The following DAZL variants were observed in gnomAD, a reference collection of about 807,000 sequenced individuals.
DAZL encodes deleted in azoospermia like.
Under a neutral mutation model 45.0 loss-of-function variants are expected in DAZL, and 4 were observed. That is an observed-to-expected ratio of 0.09 (90% CI 0.04 to 0.20). DAZL has a LOEUF of 0.20. Ranked by LOEUF, DAZL falls within the 10% of genes least tolerant of loss-of-function variation. The probability of loss-of-function intolerance (pLI) is 1.00; values close to 1 mark genes in which losing one functional copy is unlikely to be tolerated. For missense variants in DAZL, 326 were observed against 351.3 expected, an observed-to-expected ratio of 0.93 and a Z score of 0.58; for synonymous variants, 122 against 112.4, an observed-to-expected ratio of 1.09 and a Z score of -0.54.
Position 16,587,144 on chromosome 3 carries a change from T to A in DAZL, c.*1516A>T, listed in dbSNP as rs1250626905. Reference sequence around the variant, plus strand: ...TTCATAGTGCTTTCAATTTCTGAGGTGTAATAAAGCCCTCTTGGGAATTCT... The same window carrying A: ...TTCATAGTGCTTTCAATTTCTGAGGAGTAATAAAGCCCTCTTGGGAATTCT... On this transcript the variant is annotated 3_prime_UTR_variant, in exon 11 of 11. Coordinates refer to ENST00000399444, the MANE Select transcript of DAZL (RefSeq NM_001351.4). 1.3e-5 allele frequency: 2 copies of A among 152,196 alleles called. No homozygotes were observed. Among genetic ancestry groups the A allele is most frequent in the Non-Finnish European group, 2.9e-5 (2 of 67,998 alleles). 9.4% of individuals were successfully genotyped at this position (152,196 alleles called of 1,614,324 possible). A position where few individuals can be genotyped will look rare whatever the true frequency, so the allele number is the denominator to read the frequency against.
intron 1 of DAZL, among the ~76,000 whole-genome samples, chr3:16,599,662 C>A (rs1559404251): frequency 6.6e-6 from 1 of 152,146 alleles, no homozygotes; most frequent in South Asian, 2.1e-4. Context: ...AAGAAACACA[C>A]ATATAACTCA....
chr3:16,598,903 C>T (rs1694641590), intron 1 of DAZL, among the ~76,000 whole-genome samples: 1 of 151,836 alleles, frequency 6.6e-6, no homozygotes, highest in South Asian at 2.1e-4. Context: ...CCTGCCTCAG[C>T]CTCCTGAGTA....
intron 9 of DAZL, 85 bp from the exon 10 acceptor site, chr3:16,592,233 A>T: frequency 6.5e-7 from 1 of 1,543,240 alleles, no homozygotes; most frequent in Non-Finnish European, 8.9e-7. Context: ...TTTAATGAAT[A>T]TATTACTTTA....
At chr3:16,599,075 G>A (rs569832396) in intron 1 of DAZL, among the ~76,000 whole-genome samples, 23 of 152,070 alleles carry the variant, frequency 1.5e-4, no homozygotes, top group Non-Finnish European at 2.2e-4. Flanking sequence ...GAGCTACCAC[G>A]CGCAGCCAGG....
At chr3:16,600,401 A>G (rs959355040) in intron 1 of DAZL, among the ~76,000 whole-genome samples, 3 of 152,212 alleles carry the variant, frequency 2.0e-5, no homozygotes, top group African/African-American at 4.8e-5. Flanking sequence ...GTTTGTGCTT[A>G]TACTTGCTAT....
At chr3:16,596,667 T>C in intron 6 of DAZL, 83 bp downstream of exon 6, 1 of 1,462,530 alleles carries the variant, frequency 6.8e-7, no homozygotes, top group Non-Finnish European at 9.6e-7. Flanking sequence ...CCATTACCAC[T>C]TACTACAGAA....
chr3:16,595,406 A>T (rs768016789), intron 6 of DAZL, 21 bp from the exon 7 acceptor site: 1 of 1,384,764 alleles, frequency 7.2e-7, no homozygotes, highest in South Asian at 1.3e-5. Context: ...AGTTTACAGA[A>T]AGAATGAATA....
intron 1 of DAZL, among the ~76,000 whole-genome samples, chr3:16,603,283 C>T (rs1337988357): frequency 6.6e-6 from 1 of 152,056 alleles, no homozygotes; most frequent in Non-Finnish European, 1.5e-5. Context: ...ATTCCACTTA[C>T]AGCAATTCAT....
At chr3:16,589,943 G>A (rs554326747) in intron 10 of DAZL, among the ~76,000 whole-genome samples, 2 of 151,854 alleles carry the variant, frequency 1.3e-5, no homozygotes, top group Non-Finnish European at 2.9e-5. Flanking sequence ...GTGTAGCGGT[G>A]CATGTCTGTA....
rs1324760556 is a variant in DAZL, at chr3:16,598,064, A to G, written c.242+23T>C. On this transcript the variant is annotated intron_variant, in intron 3 of 10. Transcript: ENST00000399444. ...TACTCTATACGTGGCTAGAGTTCAG[A>G]TATTTTTGATAAAATTACTCACCCT... 4.6e-6 allele frequency: 7 copies of G among 1,516,684 alleles called. No individual in the cohort carries two copies. In the African/African-American group the frequency reaches 5.5e-5, roughly 12 times the overall value. 94.0% of individuals were successfully genotyped at this position (1,516,684 alleles called of 1,614,324 possible). A position where few individuals can be genotyped will look rare whatever the true frequency, so the allele number is the denominator to read the frequency against.
Position 16,605,388 on chromosome 3 carries a change from A to AAGGCGGACCGTCAGGCTGAGGAGCGC in DAZL, c.-209_-184dup, listed in dbSNP as rs1694764258. 2 of 730,300 alleles carry AAGGCGGACCGTCAGGCTGAGGAGCGC rather than the reference A, an allele frequency of 2.7e-6. No individual in the cohort carries two copies. The highest frequency in any genetic ancestry group is 2.4e-6 in the Non-Finnish European group (1 of 416,502). 45.2% of individuals were successfully genotyped at this position (730,300 alleles called of 1,614,324 possible). ...GGGTGACAAGGCTGAGGAGCCCCGA[A>AAGGCGGACCGTCAGGCTGAGGAGCGC]AGGCGGACCGTCAGGCTGAGGAGCG... On this transcript the variant is annotated 5_prime_UTR_variant, in exon 1 of 11. Transcript: ENST00000399444.
chr3:16,598,683 A>G, intron 1 of DAZL, 85 bp from the exon 2 acceptor site: 2 of 1,356,890 alleles, frequency 1.5e-6, no homozygotes, highest in Admixed American at 2.3e-5. Context: ...TATTTTAAGT[A>G]TAAAATATTT....
At position 16,593,773 on chromosome 3, in the gene DAZL, A is replaced by G. The variant is rs752135101; in HGVS notation, c.622-5T>C. On this transcript the variant is annotated splice_polypyrimidine_tract_variant and splice_region_variant and intron_variant, in intron 8 of 10. Transcript: ENST00000399444. ...GTAGTTAACAGCTGAATAAGCCTAT[A>G]TTTAAAATAATGAAAGTGTAATTAA... 8.9e-6 allele frequency: 14 copies of G among 1,567,218 alleles called. No individual in the cohort carries two copies. The highest frequency in any genetic ancestry group is 1.7e-4 in the Middle Eastern group (1 of 5,994).
In DAZL at chr3:16,587,515, GAA is replaced by G. The variant is rs1000557643; in HGVS notation, c.*1143_*1144del. ...AAGACTAGTGACAAAGGCTGGAAAC[GAA>G]AGACTGTGGTATAGCAAAAGGGCTC... On this transcript the variant is annotated 3_prime_UTR_variant, in exon 11 of 11. Transcript: ENST00000399444. The G allele has an allele frequency of 4.2e-5, 3 of 71,676 alleles. No individual in the cohort carries two copies. The highest frequency in any genetic ancestry group is 2.2e-4 in the African/African-American group (3 of 13,380). The allele number at this position is 71,676 out of a possible 1,614,324, so 4.4% of individuals were successfully genotyped here. A position where few individuals can be genotyped will look rare whatever the true frequency, so the allele number is the denominator to read the frequency against.
chr3:16,598,074 TA>T lies in DAZL; in HGVS notation c.242+12del. The T allele has an allele frequency of 1.3e-6, 2 of 1,552,716 alleles. No homozygotes were observed. The highest frequency in any genetic ancestry group is 1.8e-6 in the Non-Finnish European group (2 of 1,130,140). On this transcript the variant is annotated intron_variant, in intron 3 of 10. Coordinates refer to ENST00000399444, the MANE Select transcript of DAZL (RefSeq NM_001351.4). ...GTGGCTAGAGTTCAGATATTTTTGA[TA>T]AAATTACTCACCCTTTGGACACACC...
Position 16,604,202 on chromosome 3 carries a change from A to C in DAZL, c.3+1001T>G, listed in dbSNP as rs1292505299. Among the ~76,000 whole-genome samples, 12 of 152,282 alleles carry C rather than the reference A, an allele frequency of 7.9e-5. No individual in the cohort carries two copies. The East Asian group carries it at 2.3e-3, about 29-fold the overall frequency. On this transcript the variant is annotated intron_variant, in intron 1 of 10. Coordinates refer to ENST00000399444, the MANE Select transcript of DAZL (RefSeq NM_001351.4). ...GAGACTGAGAATTATCAATGCAGACACACACACAGCATGTAATACGCGCGT... is the reference window on the plus strand; with the variant it reads ...GAGACTGAGAATTATCAATGCAGACCCACACACAGCATGTAATACGCGCGT...
intron 10 of DAZL, among the ~76,000 whole-genome samples, chr3:16,589,997 C>T (rs182160139): frequency 6.6e-6 from 1 of 152,178 alleles, no homozygotes; most frequent in East Asian, 1.9e-4. Context: ...TCCCTTGCGT[C>T]AGGAGTTTGA....
chr3:16,595,081 C>T (rs1694578176), intron 7 of DAZL, among the ~76,000 whole-genome samples: 1 of 151,950 alleles, frequency 6.6e-6, no homozygotes, highest in Non-Finnish European at 1.5e-5. Context: ...AAGGGGACAC[C>T]GAATCTCATA....
At chr3:16,589,752 T>C (rs769484755) in intron 10 of DAZL, among the ~76,000 whole-genome samples, 51 of 152,040 alleles carry the variant, frequency 3.4e-4, no homozygotes, top group Non-Finnish European at 6.0e-4. Flanking sequence ...TAATACCAGG[T>C]GAGAACTCAA....
Sources: allele counts gnomAD v4.1 joint callset (sites outside exome capture counted in the v4.1 genomes callset), GRCh38; gene constraint gnomAD v4.1.1; transcripts MANE v1.5; gene names NCBI Gene and HGNC (gene_info 2026-07-23, HGNC 2026-07-21).